Variants in FMN1 observed in about 807,000 individuals in gnomAD.
FMN1 encodes the protein formin 1.
A neutral mutation model predicts 132.4 loss-of-function variants in FMN1; 110 were observed. The observed-to-expected ratio is 0.83, with a 90% CI of 0.71 to 0.97. FMN1 has a LOEUF of 0.97. Among genes scored for constraint, FMN1 ranks in the 50% least tolerant of loss-of-function variants. The pLI, the probability that FMN1 is intolerant of heterozygous loss-of-function variation, is 0.00. For missense variants in FMN1, 1,792 were observed against 1,705.3 expected (o/e 1.05, Z -0.90); for synonymous variants, 722 against 651.7 (o/e 1.11, Z -1.64).
intron 9 of FMN1, among the ~76,000 whole-genome samples, chr15:32,960,070 C>G (rs1460059433): frequency 1.3e-5 from 2 of 152,224 alleles, no homozygotes; most frequent in Non-Finnish European, 2.9e-5. Context: ...AAAAGCCAGC[C>G]TGGCTACAAA....
chr15:32,908,329 G>T, intron 12 of FMN1, 161 bp downstream of exon 12: 1 of 548,768 alleles, frequency 1.8e-6, no homozygotes, highest in Non-Finnish European at 3.3e-6. Context: ...TGCTTTTCCC[G>T]GCAGCAGGGT....
At chr15:33,169,227 T>A (rs1336982797) in intron 3 of FMN1, among the ~76,000 whole-genome samples, 1 of 152,168 alleles carries the variant, frequency 6.6e-6, no homozygotes, top group Non-Finnish European at 1.5e-5. Context: ...AATATAAATA[T>A]ACATTTATGA....
At chr15:32,784,460 G>C (rs1446213594) in intron 19 of FMN1, among the ~76,000 whole-genome samples, 1 of 151,138 alleles carries the variant, frequency 6.6e-6, no homozygotes, top group African/African-American at 2.4e-5. Flanking sequence ...TTCCTCTTCA[G>C]GAGAAAGACA....
chr15:32,850,248 T>C (rs1383088728), intron 17 of FMN1, among the ~76,000 whole-genome samples: 1 of 151,704 alleles, frequency 6.6e-6, no homozygotes, highest in Non-Finnish European at 1.5e-5. Context: ...ACCTTAGTGG[T>C]TGAATATGGT....
In FMN1 at chr15:32,865,243, C is replaced by T. The variant is rs79222718; in HGVS notation, c.3836-8136G>A. Among the ~76,000 whole-genome samples the T allele has an allele frequency of 2.1e-3, 322 of 152,258 alleles. 2 individuals are homozygous for T. Among genetic ancestry groups the T allele is most frequent in the African/African-American group, 7.7e-3 (318 of 41,542 alleles). On this transcript the variant is annotated intron_variant, in intron 16 of 20. Coordinates refer to ENST00000616417, the MANE Select transcript of FMN1 (RefSeq NM_001277313.2). The stretch of plus-strand genomic sequence containing the variant: ...ACACCAAAAGTCATCAGATTGTACA[C>T]TTTAAATGGGTGAATTATGTGGAAT...
intron 9 of FMN1, among the ~76,000 whole-genome samples, chr15:32,937,989 G>T (rs2061317565): frequency 6.6e-6 from 1 of 152,186 alleles, no homozygotes; most frequent in African/African-American, 2.4e-5. Context: ...TTCTGAGATT[G>T]GTTAGAAATT....
Position 32,766,572 on chromosome 15 carries a change from A to G in FMN1, c.*7738T>C, listed in dbSNP as rs994872565. On this transcript the variant is annotated 3_prime_UTR_variant, in exon 21 of 21. Transcript: ENST00000616417. ...CCCAATCTTCTTAAAATAAAATAAA[A>G]AGAGACGTATTTTCCATCTCTTTTA... 2.1e-5 allele frequency: 3 copies of G among 145,632 alleles called. No homozygotes were observed. Among genetic ancestry groups the G allele is most frequent in the East Asian group, 4.5e-4 (2 of 4,488 alleles). 9.0% of individuals were successfully genotyped at this position (145,632 alleles called of 1,614,324 possible).
In FMN1 at chr15:32,857,086, A is replaced by G; in HGVS notation, c.3857T>C (p.Val1286Ala). The change falls in exon 17 of 21, where the codon GTG becomes GCG. Residue 1286 changes from valine (V) to alanine (A), a missense_variant. Physicochemically the swap from Val to Ala is moderately conservative, Grantham distance 64. This residue lies in a region of FMN1 where 1,150 missense variants were observed against 1,043.1 expected (regional missense o/e 1.10). Transcript: ENST00000616417. ...CTCCTTTGGGGACTCCTTGCACACC[A>G]CCACCATCTGTTTCTCACTTGCTGT... Reference protein sequence around the residue: ...QLEASEKQMVVVCKESPKEYL... With the variant: ...QLEASEKQMVAVCKESPKEYL... The G allele has an allele frequency of 2.5e-6, 4 of 1,613,696 alleles. No individual in the cohort carries two copies. The highest frequency in any genetic ancestry group is 3.4e-6 in the Non-Finnish European group (4 of 1,179,624).
chr15:33,097,085 C>G (rs146552840), intron 4 of FMN1, among the ~76,000 whole-genome samples: 1 of 151,852 alleles, frequency 6.6e-6, no homozygotes, highest in East Asian at 1.9e-4. Context: ...CTTAAGCTCA[C>G]GAGTTCAAGA....
chr15:33,047,397 G>C (rs886214303), intron 6 of FMN1, among the ~76,000 whole-genome samples: 2 of 152,150 alleles, frequency 1.3e-5, no homozygotes, highest in Non-Finnish European at 2.9e-5. Flanking sequence ...TGGCCACTTT[G>C]TGTGCCTAAA....
chr15:32,852,508 T>G (rs1395577760), intron 17 of FMN1, among the ~76,000 whole-genome samples: 1 of 152,128 alleles, frequency 6.6e-6, no homozygotes, highest in Non-Finnish European at 1.5e-5. Context: ...GCCTCCCAAG[T>G]AGCTGAGACT....
chr15:32,925,229 G>C (rs988783981), intron 10 of FMN1, among the ~76,000 whole-genome samples: 1 of 152,122 alleles, frequency 6.6e-6, no homozygotes, highest in Admixed American at 6.5e-5. Flanking sequence ...TAATAAAGAA[G>C]AAATGATGGA....
intron 19 of FMN1, among the ~76,000 whole-genome samples, chr15:32,798,178 G>GAACACACA (rs1555457387): frequency 0.016 from 2,416 of 147,160 alleles, 55 homozygotes; most frequent in African/African-American, 0.036. Flanking sequence ...TAAGGAAAAC[G>GAACACACA]CACACACACA....
Position 33,010,919 on chromosome 15 carries a change from G to A in FMN1, c.2162-2844C>T, listed in dbSNP as rs865812773. ...TTTTACTAAAAAAAAAAAAATAAAC[G>A]CAGAAAGACAAGTGGGCAAGCCATG... is the stretch of plus-strand genomic sequence containing the variant. On this transcript the variant is annotated intron_variant, in intron 6 of 20. Coordinates refer to ENST00000616417, the MANE Select transcript of FMN1 (RefSeq NM_001277313.2). Among the ~76,000 whole-genome samples, 14 of 150,676 alleles carry A rather than the reference G, an allele frequency of 9.3e-5. No homozygotes were observed. In the South Asian group the frequency reaches 1.0e-3, roughly 11 times the overall value.
chr15:33,157,890 T>TGA (rs974238274), intron 3 of FMN1, among the ~76,000 whole-genome samples: 20 of 151,066 alleles, frequency 1.3e-4, no homozygotes, highest in African/African-American at 4.4e-4. Context: ...CTAGTGAGGC[T>TGA]GAGGCAAGGG....
At chr15:33,111,942 G>A (rs1266981498) in intron 4 of FMN1, among the ~76,000 whole-genome samples, 1 of 152,164 alleles carries the variant, frequency 6.6e-6, no homozygotes, top group Middle Eastern at 3.4e-3. Flanking sequence ...TATGGCATGT[G>A]TATTATATCT....
chr15:33,048,644 A>AAACAAAAAAAAAACAAAAACAAAAAC (rs1555388954), intron 6 of FMN1, among the ~76,000 whole-genome samples: 42 of 86,732 alleles, frequency 4.8e-4, no homozygotes, highest in Admixed American at 7.9e-4. Flanking sequence ...AAAAAAAAAA[A>AAACAAAAAAAAAACAAAAACAAAAAC]AAAAACCAAC....
intron 4 of FMN1, among the ~76,000 whole-genome samples, chr15:33,110,283 T>G (rs769590102): frequency 3.9e-5 from 6 of 152,058 alleles, no homozygotes; most frequent in African/African-American, 1.4e-4. Flanking sequence ...TTTGCAGAAT[T>G]GTTCACAATA....
Position 33,151,240 on chromosome 15 carries a change from C to T in FMN1, c.1867+1808G>A, listed in dbSNP as rs201682671. 3.8e-3 allele frequency: 5,786 copies of T among 1,535,576 alleles called. 22 individuals carry two copies. Among genetic ancestry groups the T allele is most frequent in the South Asian group, 0.011 (884 of 83,990 alleles). ...GAAGTCTCCACAGTAGAGAAGTTAC[C>T]CATATCAAAAAAAGCTCTTACCCAC... On this transcript the variant is annotated intron_variant, in intron 4 of 20. Transcript: ENST00000616417.
Sources: gnomAD v4.1 joint callset for allele counts (sites outside exome capture counted in the v4.1 genomes callset) on GRCh38, gnomAD v4.1.1 for gene constraint, gnomAD v4.1.1 regional missense constraint, MANE v1.5 for transcripts, NCBI Gene and HGNC (gene_info 2026-07-23, HGNC 2026-07-21) for gene names.